ULK4: variants seen among roughly 807,000 people sequenced by gnomAD.
ULK4 encodes inactive serine/threonine-protein kinase ULK4.
A neutral mutation model predicts 160.6 loss-of-function variants in ULK4; 133 were observed. That is an observed-to-expected ratio of 0.83 (90% CI 0.72 to 0.96). The LOEUF (loss-of-function observed/expected upper bound fraction) is 0.96. ULK4 is among the 40% of genes least tolerant of loss of function. The probability of loss-of-function intolerance (pLI) is 0.00; values close to 1 mark genes in which losing one functional copy is unlikely to be tolerated. For missense variants in ULK4, 1,580 were observed against 1,499.5 expected (o/e 1.05, Z -0.89); for synonymous variants, 534 against 539.8 (o/e 0.99, Z 0.15).
chr3:41,789,954 T>C, intron 20 of ULK4, 111 bp from the exon 21 acceptor site: 2 of 966,236 alleles, frequency 2.1e-6, no homozygotes, highest in Non-Finnish European at 2.8e-6. Flanking sequence ...TACTTGGCTC[T>C]TTTATTACTT....
chr3:41,627,724 T>C (rs1473123281), intron 30 of ULK4, among the ~76,000 whole-genome samples: 1 of 152,132 alleles, frequency 6.6e-6, no homozygotes, highest in African/African-American at 2.4e-5. Flanking sequence ...TACAAACAAA[T>C]ATAAAAGTAG....
At chr3:41,896,753 T>C (rs1698172605) in intron 15 of ULK4, 69 bp downstream of exon 15, 15 of 1,473,810 alleles carry the variant, frequency 1.0e-5, no homozygotes, top group Middle Eastern at 2.5e-4. Flanking sequence ...CAAATTGTTA[T>C]TTTAGCACTT....
chr3:41,768,632 C>T (rs2039249304), intron 21 of ULK4, among the ~76,000 whole-genome samples: 2 of 152,176 alleles, frequency 1.3e-5, no homozygotes, highest in South Asian at 4.1e-4. Flanking sequence ...ATGAATGAGC[C>T]ATCTGGAACG....
At chr3:41,453,981 A>G (rs2083479925) in intron 34 of ULK4, among the ~76,000 whole-genome samples, 1 of 136,648 alleles carries the variant, frequency 7.3e-6, no homozygotes, top group South Asian at 2.5e-4. Flanking sequence ...GAACAATGAG[A>G]ACACTTGGAT....
chr3:41,407,465 C>T (rs9827610), intron 34 of ULK4, among the ~76,000 whole-genome samples: 54,059 of 152,046 alleles, frequency 0.36, 10,370 homozygotes, highest in South Asian at 0.5. Flanking sequence ...AATATACATG[C>T]CAAAACCCTC....
rs1353866614 is a variant in ULK4, at chr3:41,789,703, C to T, written c.2151G>A (p.Met717Ile). ...TTTGAAGATGAATCCCACAGGACAA[C>T]ATGGCAGCGAATAAGGTCAACATGT... ...QQYMLTLFAA[M>I]LSCGIHLQRL... The change falls in exon 21 of 37, where the codon ATG (methionine) becomes ATA (isoleucine). Residue 717 changes from methionine (M) to isoleucine (I), a missense_variant. Physicochemically the swap from Met to Ile is conservative, Grantham distance 10. Coordinates refer to ENST00000301831, the MANE Select transcript of ULK4 (RefSeq NM_017886.4). The T allele has an allele frequency of 6.2e-7, 1 of 1,609,948 alleles. No individual in the cohort carries two copies. The highest frequency in any genetic ancestry group is 2.2e-5 in the East Asian group (1 of 44,474).
At chr3:41,714,002 G>T (rs1351606171) in intron 25 of ULK4, among the ~76,000 whole-genome samples, 1 of 152,006 alleles carries the variant, frequency 6.6e-6, no homozygotes, top group Non-Finnish European at 1.5e-5. Flanking sequence ...TCCAAGGTGG[G>T]TTACCATAAA....
chr3:41,596,005 A>C (rs1027912559), intron 31 of ULK4, among the ~76,000 whole-genome samples: 2 of 152,212 alleles, frequency 1.3e-5, no homozygotes, highest in Non-Finnish European at 2.9e-5. Context: ...ACAACAGCAG[A>C]AGACCTTACA....
rs529626463 is a variant in ULK4, at chr3:41,567,656, G to T, written c.3121-1526C>A. ...TTTTTTGTATTTTTAGTAGAGACAG[G>T]GTTTGACTGTGTTGGCCAGGATGGT... On this transcript the variant is annotated intron_variant, in intron 31 of 36. Coordinates refer to ENST00000301831, the MANE Select transcript of ULK4 (RefSeq NM_017886.4). Among the ~76,000 whole-genome samples the T allele has an allele frequency of 9.2e-5, 14 of 151,930 alleles. No individual in the cohort carries two copies. In the South Asian group the frequency reaches 2.7e-3, roughly 29 times the overall value.
chr3:41,685,191 T>C (rs965767552), intron 27 of ULK4, among the ~76,000 whole-genome samples: 9 of 152,206 alleles, frequency 5.9e-5, no homozygotes, highest in African/African-American at 2.2e-4. Flanking sequence ...TGATTATAAA[T>C]CCTGTAAAGA....
At chr3:41,444,944 A>C (rs9852344) in intron 34 of ULK4, among the ~76,000 whole-genome samples, 80,497 of 151,988 alleles carry the variant, frequency 0.53, 21,729 homozygotes, top group East Asian at 0.69. Flanking sequence ...TCCCTGTTTG[A>C]AGATGACATG....
rs1415832747 is a variant in ULK4 at position 41,492,427 on chromosome 3, G to C, written c.3227-29174C>G. Among the ~76,000 whole-genome samples, 3 of 151,226 alleles carry C rather than the reference G, an allele frequency of 2.0e-5. No homozygotes were observed. In the East Asian group the frequency reaches 5.8e-4, roughly 29 times the overall value. On this transcript the variant is annotated intron_variant, in intron 32 of 36. Transcript: ENST00000301831. ...TGCCCTAAAAGAGCTCCTGAAGGAA[G>C]CACTAAACATGGAAAGGAACAACCG...
chr3:41,351,272 T>C (rs1413346550), intron 35 of ULK4, among the ~76,000 whole-genome samples: 1 of 152,150 alleles, frequency 6.6e-6, no homozygotes, highest in Non-Finnish European at 1.5e-5. Context: ...GAAATATGAC[T>C]TCTGTGGGAT....
chr3:41,532,070 C>T (rs1307787996), intron 32 of ULK4, among the ~76,000 whole-genome samples: 1 of 152,222 alleles, frequency 6.6e-6, no homozygotes, highest in Non-Finnish European at 1.5e-5. Context: ...TAGACAGTCA[C>T]AAGTTCCCAA....
chr3:41,661,691 C>T (rs945907694), intron 30 of ULK4, among the ~76,000 whole-genome samples: 1 of 151,898 alleles, frequency 6.6e-6, no homozygotes, highest in Non-Finnish European at 1.5e-5. Context: ...GGAGATCTCT[C>T]GATTTTATTG....
chr3:41,898,387 G>A, intron 14 of ULK4, 45 bp downstream of exon 14: 1 of 1,155,452 alleles, frequency 8.7e-7, no homozygotes, highest in Non-Finnish European at 1.2e-6. Context: ...ATTTGTATCT[G>A]TATACAAAGA....
At chr3:41,783,109 T>C (rs760169407) in intron 21 of ULK4, among the ~76,000 whole-genome samples, 1 of 152,100 alleles carries the variant, frequency 6.6e-6, no homozygotes, top group Non-Finnish European at 1.5e-5. Flanking sequence ...TGTATATATA[T>C]GCATAGCAAG....
rs1186912610 is a variant in ULK4 at position 41,271,148 on chromosome 3, C to CACCA, written c.3679-21578_3679-21575dup. Among the ~76,000 whole-genome samples, 9 of 152,228 alleles carry CACCA rather than the reference C, an allele frequency of 5.9e-5. No individual in the cohort carries two copies. The East Asian group carries it at 1.5e-3, about 26-fold the overall frequency. On this transcript the variant is annotated intron_variant, in intron 35 of 36. Coordinates refer to ENST00000301831, the MANE Select transcript of ULK4 (RefSeq NM_017886.4). The stretch of plus-strand genomic sequence containing the variant: ...TATACGTATACAATTGTGAAACCAA[C>CACCA]ACCACATCAAGACAGTGAATATATC...
At chr3:41,683,868 G>A (rs1231358879) in intron 27 of ULK4, among the ~76,000 whole-genome samples, 2 of 152,044 alleles carry the variant, frequency 1.3e-5, no homozygotes, top group African/African-American at 2.4e-5. Context: ...TGTGGGAAAG[G>A]GAAGGCTGTG....
Sources: allele counts gnomAD v4.1 joint callset (sites outside exome capture counted in the v4.1 genomes callset), GRCh38; gene constraint gnomAD v4.1.1; transcripts MANE v1.5; gene names NCBI Gene and HGNC (gene_info 2026-07-23, HGNC 2026-07-21).